The following CARMIL1 variants were observed in gnomAD, a reference collection of about 807,000 sequenced individuals.
CARMIL1 encodes capping protein regulator and myosin 1 linker 1.
CARMIL1 carries 90 observed loss-of-function variants against 177.1 expected under a neutral mutation model. The observed-to-expected ratio is 0.51, with a 90% confidence interval of 0.43 to 0.61. The LOEUF (loss-of-function observed/expected upper bound fraction) is 0.61, where lower values mean the gene tolerates loss of function less well. Ranked by LOEUF, CARMIL1 falls within the 20% of genes least tolerant of loss-of-function variation. The pLI, the probability that CARMIL1 is intolerant of heterozygous loss-of-function variation, is 0.00. For synonymous variants in CARMIL1, 577 were observed against 606.2 expected (o/e 0.95, Z 0.71); for missense variants, 1,380 against 1,667.0 (o/e 0.83, Z 3.00).
At chr6:25,611,602 G>C (rs1816512657) in intron 36 of CARMIL1, among the ~76,000 whole-genome samples, 1 of 152,218 alleles carries the variant, frequency 6.6e-6, no homozygotes, top group Non-Finnish European at 1.5e-5. Flanking sequence ...AAAAAGAAAA[G>C]TGAGGAAGGG....
chr6:25,295,346 G>A (rs1460599307), intron 2 of CARMIL1, among the ~76,000 whole-genome samples: 1 of 152,128 alleles, frequency 6.6e-6, no homozygotes, highest in Non-Finnish European at 1.5e-5. Flanking sequence ...CCACTGTAGA[G>A]GAGTACTGTA....
At chr6:25,473,470 A>C (rs2150946253) in intron 11 of CARMIL1, among the ~76,000 whole-genome samples, 1 of 152,368 alleles carries the variant, frequency 6.6e-6, no homozygotes, top group East Asian at 1.9e-4. Flanking sequence ...TCTTTAAGCT[A>C]AATAAAATTT....
At chr6:25,525,870 A>C (rs936270184) in intron 23 of CARMIL1, among the ~76,000 whole-genome samples, 1 of 152,224 alleles carries the variant, frequency 6.6e-6, no homozygotes, top group African/African-American at 2.4e-5. Context: ...TGCTTAATTA[A>C]AACCAGAGAC....
At chr6:25,420,243 C>T in intron 3 of CARMIL1, 79 bp downstream of exon 3, 10 of 1,261,280 alleles carry the variant, frequency 7.9e-6, no homozygotes, top group Non-Finnish European at 9.3e-6. Flanking sequence ...TGCATTCTTA[C>T]ATGTGTGCAC....
intron 2 of CARMIL1, among the ~76,000 whole-genome samples, chr6:25,408,510 G>A (rs1794611373): frequency 6.6e-6 from 1 of 152,250 alleles, no homozygotes; most frequent in Non-Finnish European, 1.5e-5. Flanking sequence ...AGCACCTTGT[G>A]TGTATTACCT....
chr6:25,406,914 G>A (rs1231171657), intron 2 of CARMIL1, among the ~76,000 whole-genome samples: 3 of 152,016 alleles, frequency 2.0e-5, no homozygotes, highest in Non-Finnish European at 4.4e-5. Context: ...TCATGAGAGA[G>A]AATGAATGGT....
chr6:25,386,349 T>G (rs1396662454), intron 2 of CARMIL1, among the ~76,000 whole-genome samples: 2 of 152,212 alleles, frequency 1.3e-5, no homozygotes, highest in Non-Finnish European at 2.9e-5. Flanking sequence ...ACCTCACAGA[T>G]TCAAGTGATC....
chr6:25,417,067 T>C (rs2150674279), intron 2 of CARMIL1, among the ~76,000 whole-genome samples: 1 of 152,288 alleles, frequency 6.6e-6, no homozygotes, highest in Middle Eastern at 3.4e-3. Flanking sequence ...TTATCTTATT[T>C]CTTTTTCTTT....
intron 2 of CARMIL1, among the ~76,000 whole-genome samples, chr6:25,306,277 G>A (rs1298533114): frequency 1.3e-5 from 2 of 152,150 alleles, no homozygotes; most frequent in Non-Finnish European, 2.9e-5. Flanking sequence ...GACCTTTTAG[G>A]AACCTGGGTC....
intron 2 of CARMIL1, among the ~76,000 whole-genome samples, chr6:25,403,249 C>T (rs10946771): frequency 0.43 from 64,910 of 151,800 alleles, 14,053 homozygotes; most frequent in Middle Eastern, 0.57. Context: ...ATTCCAATTT[C>T]ACTTCCTCAG....
intron 23 of CARMIL1, 135 bp downstream of exon 23, chr6:25,520,472 G>A (rs1806443398): frequency 1.7e-6 from 1 of 585,884 alleles, no homozygotes; most frequent in East Asian, 2.9e-5. Flanking sequence ...ATTGTCTTAT[G>A]TTCTTATGAC....
At chr6:25,511,146 A>ATCATATGC (rs1473320220) in intron 20 of CARMIL1, among the ~76,000 whole-genome samples, 6 of 152,172 alleles carry the variant, frequency 3.9e-5, no homozygotes, top group African/African-American at 1.4e-4. Flanking sequence ...TCATATTGCT[A>ATCATATGC]ATTTGAATTT....
At position 25,332,775 on chromosome 6, in the gene CARMIL1, G is replaced by GCA. The variant is rs1441062522; in HGVS notation, c.138+47882_138+47883dup. 9.8e-4 allele frequency among the ~76,000 whole-genome samples: 135 copies of GCA among 137,314 alleles called. 3 individuals carry two copies. Among genetic ancestry groups the GCA allele is most frequent in the African/African-American group, 2.9e-3 (103 of 35,798 alleles). 90.1% of individuals were successfully genotyped at this position (137,314 alleles called of 152,430 possible). On this transcript the variant is annotated intron_variant, in intron 2 of 36. Coordinates refer to ENST00000329474, the MANE Select transcript of CARMIL1 (RefSeq NM_017640.6). Reference sequence around the variant, plus strand: ...CACACACACACACACACACACACGCGCACACACACACACACACTTCTTTTA... The same window carrying GCA: ...CACACACACACACACACACACACGCGCACACACACACACACACACTTCTTTTA...
chr6:25,536,048 C>G (rs1169626298), intron 24 of CARMIL1, among the ~76,000 whole-genome samples: 2 of 152,176 alleles, frequency 1.3e-5, no homozygotes, highest in Non-Finnish European at 2.9e-5. Flanking sequence ...TCAAGTGTCT[C>G]TTTGTTCTCT....
intron 17 of CARMIL1, 141 bp downstream of exon 17, chr6:25,500,376 G>A: frequency 1.4e-6 from 1 of 711,762 alleles, no homozygotes; most frequent in Non-Finnish European, 2.3e-6. Flanking sequence ...CTAATGTTCT[G>A]TATTTTGCAA....
chr6:25,282,290 A>C (rs1781189890), intron 1 of CARMIL1, among the ~76,000 whole-genome samples: 1 of 152,138 alleles, frequency 6.6e-6, no homozygotes, highest in Non-Finnish European at 1.5e-5. Flanking sequence ...TCAATTTCAG[A>C]TGCCCATTTC....
At chr6:25,344,116 G>A (rs1009073130) in intron 2 of CARMIL1, among the ~76,000 whole-genome samples, 1 of 151,950 alleles carries the variant, frequency 6.6e-6, no homozygotes, top group Admixed American at 6.6e-5. Flanking sequence ...TCCATCCCAC[G>A]GTCATATCTT....
chr6:25,390,529 T>C (rs910301414), intron 2 of CARMIL1, among the ~76,000 whole-genome samples: 30 of 151,640 alleles, frequency 2.0e-4, no homozygotes, highest in Non-Finnish European at 3.5e-4. Flanking sequence ...GTCATGTTGC[T>C]CAGGCTGGTC....
At chr6:25,337,717 A>G (rs1196879669) in intron 2 of CARMIL1, among the ~76,000 whole-genome samples, 1 of 152,244 alleles carries the variant, frequency 6.6e-6, no homozygotes, top group Non-Finnish European at 1.5e-5. Flanking sequence ...AATGCAGTGA[A>G]TGATTCTTTT....
Sources: allele counts gnomAD v4.1 joint callset (sites outside exome capture counted in the v4.1 genomes callset), GRCh38; gene constraint gnomAD v4.1.1; transcripts MANE v1.5; gene names NCBI Gene and HGNC (gene_info 2026-07-23, HGNC 2026-07-21).